Variants in LAMA2 observed in about 807,000 individuals in gnomAD.
LAMA2 encodes laminin subunit alpha 2.
Under a neutral mutation model 364.8 loss-of-function variants are expected in LAMA2, and 269 were observed. The ratio of observed to expected loss-of-function variants is 0.74; its 90% CI spans 0.67 to 0.82. LAMA2 has a LOEUF of 0.82. Ranked by LOEUF, LAMA2 falls within the 40% of genes least tolerant of loss-of-function variation. LAMA2 has a pLI of 0.00. For synonymous variants in LAMA2, 1,379 were observed against 1,370.6 expected, an observed-to-expected ratio of 1.01 and a Z score of -0.14; for missense variants, 3,807 against 3,873.2, an observed-to-expected ratio of 0.98 and a Z score of 0.45.
chr6:129,226,016 T>C (rs1784244921), intron 12 of LAMA2, among the ~76,000 whole-genome samples: 1 of 152,200 alleles, frequency 6.6e-6, no homozygotes. Context: ...ATCTGAGTGC[T>C]CCTGTATTGG....
intron 4 of LAMA2, among the ~76,000 whole-genome samples, chr6:129,118,149 A>G (rs1347552677): frequency 6.6e-6 from 1 of 152,232 alleles, no homozygotes; most frequent in Non-Finnish European, 1.5e-5. Flanking sequence ...TGAAGAAAAT[A>G]AAAATGTACA....
chr6:129,143,358 A>G (rs1209671484), intron 4 of LAMA2, among the ~76,000 whole-genome samples: 2 of 151,916 alleles, frequency 1.3e-5, no homozygotes, highest in African/African-American at 4.8e-5. Flanking sequence ...ACCTAAAACA[A>G]CCTATTGAAA....
intron 34 of LAMA2, among the ~76,000 whole-genome samples, chr6:129,370,360 G>T (rs951936011): frequency 1.3e-5 from 2 of 152,154 alleles, no homozygotes; most frequent in African/African-American, 4.8e-5. Context: ...TCATCTCATC[G>T]TGGGATTTTT....
chr6:129,047,876 C>G (rs565316367), intron 1 of LAMA2, among the ~76,000 whole-genome samples: 1 of 152,178 alleles, frequency 6.6e-6, no homozygotes, highest in Non-Finnish European at 1.5e-5. Flanking sequence ...CTAAGGCCAA[C>G]CAGGTCCGCA....
rs1583347059 is a variant in LAMA2, at chr6:129,253,329, A to G, written c.2096+1034A>G. On this transcript the variant is annotated intron_variant, in intron 14 of 64. Coordinates refer to ENST00000421865, the MANE Select transcript of LAMA2 (RefSeq NM_000426.4). ...ACCTTTAATGAAAGCAATGTCTCCA[A>G]TATTGGAGTTTTTATTGCTGACACC... Among the ~76,000 whole-genome samples, 3 of 152,278 alleles carry G rather than the reference A, an allele frequency of 2.0e-5. No homozygotes were observed. In the South Asian group the frequency reaches 6.2e-4, roughly 32 times the overall value.
intron 35 of LAMA2, among the ~76,000 whole-genome samples, chr6:129,388,705 A>G (rs1779162208): frequency 6.6e-6 from 1 of 151,806 alleles, no homozygotes. Flanking sequence ...GCACACACAC[A>G]TATTCATTTA....
chr6:129,380,827 G>C (rs374969727), intron 34 of LAMA2, among the ~76,000 whole-genome samples: 2 of 152,058 alleles, frequency 1.3e-5, no homozygotes, highest in East Asian at 1.9e-4. Context: ...TGACAATTTA[G>C]TATTGAAGTA....
At chr6:129,095,019 T>G (rs565685176) in intron 3 of LAMA2, among the ~76,000 whole-genome samples, 1 of 152,338 alleles carries the variant, frequency 6.6e-6, no homozygotes, top group East Asian at 1.9e-4. Flanking sequence ...GGAAGCACAT[T>G]ACAGTGATTT....
chr6:129,187,097 C>T lies in LAMA2; in HGVS notation c.1468-3108C>T, dbSNP rs182993779. On this transcript the variant is annotated intron_variant, in intron 10 of 64. Transcript: ENST00000421865. Reference sequence around the variant, plus strand: ...TAAAGCAGATGGCTTCACTTTCAAGCTGGGAATCAAAAAACTTTAAGTGCT... The same window carrying T: ...TAAAGCAGATGGCTTCACTTTCAAGTTGGGAATCAAAAAACTTTAAGTGCT... Among the ~76,000 whole-genome samples the T allele has an allele frequency of 1.8e-3, 269 of 151,850 alleles. 1 individual carries two copies. Among genetic ancestry groups the T allele is most frequent in the Admixed American group, 5.4e-3 (82 of 15,232 alleles).
At chr6:129,142,676 G>A (rs920461513) in intron 4 of LAMA2, among the ~76,000 whole-genome samples, 1 of 151,910 alleles carries the variant, frequency 6.6e-6, no homozygotes, top group African/African-American at 2.4e-5. Context: ...GATAGTTACT[G>A]CTCAATTGAC....
intron 38 of LAMA2, 114 bp downstream of exon 38, chr6:129,401,454 A>G (rs576033399): frequency 2.6e-6 from 2 of 768,738 alleles, no homozygotes; most frequent in Non-Finnish European, 4.6e-6. Context: ...AGATAAAATT[A>G]TTTTTGCATT....
Position 128,883,252 on chromosome 6 carries a change from G to A in LAMA2, c.7G>A (p.Gly3Arg), listed in dbSNP as rs761472320. MP[G>R]AAGVLLLLLL... ...TCCGGTCGCGGCCACTACGATGCCG[G>A]GAGCCGCCGGGGTCCTCCTCCTTCT... is the stretch of plus-strand genomic sequence containing the variant. Residue 3 changes from glycine to arginine, a missense_variant, in exon 1 of 65, where the codon GGA (glycine) becomes AGA (arginine). Around this residue, in one of 3 missense-constraint regions of LAMA2, gnomAD observed 394 missense variants for 403.5 expected, o/e 0.98. Coordinates refer to ENST00000421865, the MANE Select transcript of LAMA2 (RefSeq NM_000426.4). 13 of 1,553,626 alleles carry A rather than the reference G, an allele frequency of 8.4e-6. No homozygotes were observed. The South Asian group carries it at 1.5e-4, about 18-fold the overall frequency.
At chr6:129,053,920 G>T (rs9689594) in intron 2 of LAMA2, among the ~76,000 whole-genome samples, 41,171 of 152,058 alleles carry the variant, frequency 0.27, 5,821 homozygotes, top group African/African-American at 0.34. Context: ...TAGATGCTTG[G>T]GGGGAAAGGC....
At chr6:129,070,689 G>T (rs4897298) in intron 3 of LAMA2, among the ~76,000 whole-genome samples, 144,893 of 152,210 alleles carry the variant, frequency 0.95, 69,043 homozygotes, top group East Asian at 0.97. Flanking sequence ...TTGTTATTAT[G>T]TACAGTTTTT....
intron 12 of LAMA2, among the ~76,000 whole-genome samples, chr6:129,239,394 A>T (rs1038662571): frequency 8.5e-5 from 13 of 152,220 alleles, no homozygotes; most frequent in African/African-American, 2.9e-4. Context: ...TATAAGCTTT[A>T]GCTCTAAAAT....
At position 128,996,741 on chromosome 6, in the gene LAMA2, G is replaced by A. The variant is rs938295187; in HGVS notation, c.113-53177G>A. 3.9e-5 allele frequency among the ~76,000 whole-genome samples: 6 copies of A among 152,144 alleles called. No individual in the cohort carries two copies. In the South Asian group the frequency reaches 8.3e-4, roughly 21 times the overall value. On this transcript the variant is annotated intron_variant, in intron 1 of 64. Coordinates refer to ENST00000421865, the MANE Select transcript of LAMA2 (RefSeq NM_000426.4). ...GGTGATTCCTCAAGGATCTAGAACC[G>A]GAAATACCATTTGACCCAGCCATCC...
At chr6:128,957,224 T>C (rs1295152891) in intron 1 of LAMA2, among the ~76,000 whole-genome samples, 1 of 152,124 alleles carries the variant, frequency 6.6e-6, no homozygotes, top group Non-Finnish European at 1.5e-5. Context: ...TATAAAGGTA[T>C]TTGGACTCCA....
chr6:129,269,971 A>G (rs920592476), intron 16 of LAMA2, among the ~76,000 whole-genome samples: 1 of 152,166 alleles, frequency 6.6e-6, no homozygotes, highest in Non-Finnish European at 1.5e-5. Context: ...ACAGAAATAC[A>G]TATCCACATT....
In LAMA2 at chr6:129,019,475, G is replaced by A. The variant is rs747648737; in HGVS notation, c.113-30443G>A. ...AGTATTTTTTTGTTTCTCTTTTGTG[G>A]GTGATGCCTTCAACTTTTTTGTCCA... On this transcript the variant is annotated intron_variant, in intron 1 of 64. Coordinates refer to ENST00000421865, the MANE Select transcript of LAMA2 (RefSeq NM_000426.4). 1.4e-3 allele frequency among the ~76,000 whole-genome samples: 212 copies of A among 150,934 alleles called. 1 individual carries two copies. Among genetic ancestry groups the A allele is most frequent in the African/African-American group, 5.0e-3 (204 of 41,174 alleles).
Sources: gnomAD v4.1 joint callset for allele counts (sites outside exome capture counted in the v4.1 genomes callset) on GRCh38, gnomAD v4.1.1 for gene constraint, gnomAD v4.1.1 regional missense constraint, MANE v1.5 for transcripts, NCBI Gene and HGNC (gene_info 2026-07-23, HGNC 2026-07-21) for gene names.